NELL1: variants seen among roughly 807,000 people sequenced by gnomAD.
NELL1 encodes neural EGFL like 1.
NELL1 carries 76 observed loss-of-function variants against 107.4 expected under a neutral mutation model. The observed-to-expected ratio is 0.71, with a 90% CI of 0.59 to 0.86. The LOEUF is 0.86. Ranked by LOEUF, NELL1 falls within the 40% of genes least tolerant of loss-of-function variation. The probability of loss-of-function intolerance (pLI) is 0.00; values close to 1 mark genes in which losing one functional copy is unlikely to be tolerated. For synonymous variants in NELL1, 353 were observed against 341.2 expected, an observed-to-expected ratio of 1.03 and a Z score of -0.38; for missense variants, 1,024 against 1,005.5, an observed-to-expected ratio of 1.02 and a Z score of -0.25.
chr11:21,218,007 C>G (rs963092976), intron 13 of NELL1, among the ~76,000 whole-genome samples: 6 of 152,066 alleles, frequency 3.9e-5, no homozygotes, highest in African/African-American at 1.4e-4. Context: ...TTAATTAGTG[C>G]TTGAATATTA....
chr11:21,525,119 G>A (rs1031097405), intron 15 of NELL1, among the ~76,000 whole-genome samples: 8 of 152,148 alleles, frequency 5.3e-5, no homozygotes, highest in Non-Finnish European at 1.2e-4. Flanking sequence ...CTTTTAGGAA[G>A]AATTTGAGCA....
At chr11:21,030,486 C>G (rs1260930847) in intron 12 of NELL1, among the ~76,000 whole-genome samples, 2 of 152,142 alleles carry the variant, frequency 1.3e-5, no homozygotes, top group Non-Finnish European at 2.9e-5. Context: ...TTTTCAGTTA[C>G]ATATTGGAGG....
chr11:21,086,870 C>T (rs1051332138), intron 12 of NELL1, among the ~76,000 whole-genome samples: 5 of 129,892 alleles, frequency 3.8e-5, no homozygotes, highest in African/African-American at 1.5e-4. Flanking sequence ...CTCACTCTGT[C>T]GCCCAGGCTG....
chr11:21,563,875 G>A (rs573670861), intron 17 of NELL1, among the ~76,000 whole-genome samples: 15 of 152,118 alleles, frequency 9.9e-5, no homozygotes, highest in African/African-American at 3.6e-4. Context: ...AAGTAGAGAT[G>A]TAGGGGAAGG....
At chr11:20,925,747 C>G (rs1234944435) in intron 7 of NELL1, among the ~76,000 whole-genome samples, 1 of 151,886 alleles carries the variant, frequency 6.6e-6, no homozygotes, top group Non-Finnish European at 1.5e-5. Flanking sequence ...TTTTTTCTAC[C>G]CTTTGCTACC....
At chr11:20,925,656 A>G (rs938714177) in intron 7 of NELL1, among the ~76,000 whole-genome samples, 24 of 152,078 alleles carry the variant, frequency 1.6e-4, no homozygotes, top group Non-Finnish European at 1.5e-4. Flanking sequence ...ATAGGAAGCT[A>G]ATATTTCAGG....
chr11:21,308,360 G>C (rs1343288673), intron 14 of NELL1, among the ~76,000 whole-genome samples: 1 of 152,010 alleles, frequency 6.6e-6, no homozygotes, highest in African/African-American at 2.4e-5. Context: ...AGCATATTTA[G>C]CCTCTCCACT....
At chr11:21,118,785 AT>A (rs886742491) in intron 13 of NELL1, among the ~76,000 whole-genome samples, 1 of 151,854 alleles carries the variant, frequency 6.6e-6, no homozygotes, top group African/African-American at 2.4e-5. Flanking sequence ...TCAAGGTCAT[AT>A]TTTTTTCCTT....
At chr11:20,834,636 G>C (rs1848495949) in intron 3 of NELL1, among the ~76,000 whole-genome samples, 1 of 151,736 alleles carries the variant, frequency 6.6e-6, no homozygotes, top group African/African-American at 2.4e-5. Context: ...CCAGGAGGCA[G>C]AGTTTGCAGT....
intron 13 of NELL1, among the ~76,000 whole-genome samples, chr11:21,139,509 A>G (rs898465587): frequency 6.6e-6 from 1 of 152,126 alleles, no homozygotes; most frequent in Non-Finnish European, 1.5e-5. Context: ...ACTTATCACT[A>G]TCCACCACAT....
At chr11:21,399,103 C>G (rs778352891) in intron 15 of NELL1, among the ~76,000 whole-genome samples, 1 of 151,736 alleles carries the variant, frequency 6.6e-6, no homozygotes, top group East Asian at 2.0e-4. Flanking sequence ...CCAAACACTT[C>G]TCTTGACGTT....
chr11:21,265,192 T>C (rs919278375), intron 14 of NELL1, among the ~76,000 whole-genome samples: 5 of 152,036 alleles, frequency 3.3e-5, no homozygotes, highest in African/African-American at 1.2e-4. Flanking sequence ...AACACCTCTA[T>C]TTCAGCCAAA....
intron 14 of NELL1, among the ~76,000 whole-genome samples, chr11:21,338,937 A>C (rs1332753087): frequency 6.6e-6 from 1 of 152,162 alleles, no homozygotes; most frequent in African/African-American, 2.4e-5. Context: ...AGAAGGGTCC[A>C]CCTATAAACA....
chr11:21,196,883 C>CTTTTTTTTTTTTTT (rs200792090), intron 13 of NELL1, among the ~76,000 whole-genome samples: 3 of 136,280 alleles, frequency 2.2e-5, no homozygotes, highest in Non-Finnish European at 4.8e-5. Context: ...CTTTTCTTTT[C>CTTTTTTTTTTTTTT]TTTTTTTTTT....
At chr11:20,879,741 T>C (rs1442259881) in intron 4 of NELL1, among the ~76,000 whole-genome samples, 1 of 152,202 alleles carries the variant, frequency 6.6e-6, no homozygotes, top group Non-Finnish European at 1.5e-5. Flanking sequence ...CTTTTATAAA[T>C]GTCAAAGAAT....
At chr11:20,971,380 C>T (rs1322780306) in intron 12 of NELL1, among the ~76,000 whole-genome samples, 4 of 152,114 alleles carry the variant, frequency 2.6e-5, no homozygotes, top group African/African-American at 9.7e-5. Context: ...GGAAAAACGT[C>T]CCTGCTTTTC....
intron 12 of NELL1, among the ~76,000 whole-genome samples, chr11:21,023,704 G>A (rs923535132): frequency 6.6e-6 from 1 of 151,942 alleles, no homozygotes; most frequent in Non-Finnish European, 1.5e-5. Context: ...GGCTTGTGGA[G>A]TAATATAGTG....
rs143617706 is a variant in NELL1, at chr11:21,517,911, C to A, written c.1646-16463C>A. 2.8e-3 allele frequency among the ~76,000 whole-genome samples: 422 copies of A among 152,070 alleles called. 1 individual carries two copies. The highest frequency in any genetic ancestry group is 7.8e-3 in the African/African-American group (325 of 41,492). ...CTTGTTACTTGGTCCTGGCTCCAAC[C>A]TTTTCAAGTCGCAGATGCTTCTTCA... is the stretch of plus-strand genomic sequence containing the variant. On this transcript the variant is annotated intron_variant, in intron 15 of 19. Coordinates refer to ENST00000357134, the MANE Select transcript of NELL1 (RefSeq NM_006157.5).
At chr11:20,869,589 G>T (rs898056190) in intron 4 of NELL1, among the ~76,000 whole-genome samples, 1 of 152,210 alleles carries the variant, frequency 6.6e-6, no homozygotes, top group Non-Finnish European at 1.5e-5. Context: ...TAGGTGAAAT[G>T]AGAACTATTC....
Sources: allele counts gnomAD v4.1 joint callset (sites outside exome capture counted in the v4.1 genomes callset), GRCh38; gene constraint gnomAD v4.1.1; transcripts MANE v1.5; gene names NCBI Gene and HGNC (gene_info 2026-07-23, HGNC 2026-07-21).